IL9R: variants seen among roughly 807,000 people sequenced by gnomAD.
IL9R encodes the protein interleukin 9 receptor, also known as interleukin-9 receptor.
A neutral mutation model predicts 56.3 loss-of-function variants in IL9R; 54 were observed. That is an observed-to-expected ratio of 0.96 (90% CI 0.77 to 1.20). IL9R has a LOEUF of 1.20. Ranked by LOEUF, IL9R falls within the 50% of genes most tolerant of loss-of-function variation. IL9R has a pLI of 0.00. For missense variants in IL9R, 545 were observed against 629.8 expected, an observed-to-expected ratio of 0.87 and a Z score of 1.44; for synonymous variants, 212 against 250.2, an observed-to-expected ratio of 0.85 and a Z score of 1.44.
At position 156,001,897 on chromosome X, in the gene IL9R, G is replaced by A. The variant is rs190655442; in HGVS notation, c.29-1009G>A. 1.8e-4 allele frequency among the ~76,000 whole-genome samples: 28 copies of A among 152,270 alleles called. 1 individual carries two copies. The East Asian group carries it at 5.4e-3, about 29-fold the overall frequency. ...AGCATCCGGGGGCTTTGCCCTTCTG[G>A]TGTTGCTCTTCTTTGCAGGTGCCTT... On this transcript the variant is annotated intron_variant, in intron 1 of 8. Transcript: ENST00000244174.
rs1218662062 is a variant in IL9R, at chrX:156,006,466, G to C, written c.887+278G>C. ...GAGGCAGAGGCTGAAGATAAGGGCA[G>C]CTTGGTCCCGACCAGACCCAGAGTC... On this transcript the variant is annotated intron_variant, in intron 7 of 8. Transcript: ENST00000244174. 2.7e-5 allele frequency among the ~76,000 whole-genome samples: 4 copies of C among 150,158 alleles called. No homozygotes were observed. In the East Asian group the frequency reaches 6.0e-4, roughly 22 times the overall value.
At chrX:156,009,234 TTCGTGTG>T (rs2068273977) in intron 8 of IL9R, among the ~76,000 whole-genome samples, 2 of 1,692 alleles carry the variant, frequency 1.2e-3, no homozygotes, top group Admixed American at 4.6e-3. Flanking sequence ...TCTGTGTGTG[TTCGTGTG>T]GTGTGTGTGT....
At chrX:156,006,899 G>T (rs3093524) in intron 7 of IL9R, among the ~76,000 whole-genome samples, 1,756 of 150,572 alleles carry the variant, frequency 0.012, 45 homozygotes, top group African/African-American at 0.041. Context: ...CCAGTGAGGT[G>T]CCCACAGGGA....
intron 1 of IL9R, among the ~76,000 whole-genome samples, chrX:155,998,866 G>A (rs2067316118): frequency 2.0e-5 from 3 of 152,076 alleles, no homozygotes; most frequent in South Asian, 2.1e-4. Context: ...GGCTGTGGGA[G>A]GGGTGTTTTG....
At chrX:156,004,330 G>T (rs1362197296) in intron 4 of IL9R, 90 bp from the exon 5 acceptor site, 1 of 1,356,250 alleles carries the variant, frequency 7.4e-7, no homozygotes. Flanking sequence ...CATTCCCCTT[G>T]GGAGTCTTTC....
chrX:156,001,050 C>T (rs1401340514), intron 1 of IL9R, among the ~76,000 whole-genome samples: 6 of 152,154 alleles, frequency 3.9e-5, no homozygotes, highest in Non-Finnish European at 8.8e-5. Context: ...GCCATACCCC[C>T]TTGTCGCTGT....
In IL9R at chrX:156,005,449, C is replaced by G. The variant is rs762218364; in HGVS notation, c.751C>G (p.Pro251Ala). ...AGGCCAGTGGAGTGAGTGGAGCCAG[C>G]CTGTGTGCTTCCAGGCTCCCCAGAG... Reference protein sequence around the residue: ...YTGQWSEWSQPVCFQAPQRQG... With the variant: ...YTGQWSEWSQAVCFQAPQRQG... Residue 251 changes from proline to alanine, a missense_variant, in exon 6 of 9, where the codon CCT becomes GCT. Transcript: ENST00000244174. 7.4e-6 allele frequency: 12 copies of G among 1,612,990 alleles called. No individual in the cohort carries two copies. The highest frequency in any genetic ancestry group is 1.0e-5 in the Non-Finnish European group (12 of 1,179,788).
At chrX:155,999,886 G>A (rs2067395221) in intron 1 of IL9R, among the ~76,000 whole-genome samples, 1 of 152,088 alleles carries the variant, frequency 6.6e-6, no homozygotes, top group Non-Finnish European at 1.5e-5. Context: ...AGCACTTTGG[G>A]AGGCCAAAGC....
chrX:155,997,698 T>C lies in IL9R; in HGVS notation c.-62T>C, dbSNP rs745667681. On this transcript the variant is annotated 5_prime_UTR_variant, in exon 1 of 9. Coordinates refer to ENST00000244174, the MANE Select transcript of IL9R (RefSeq NM_002186.3). ...CCTGAATCAGGCTGAGGGTCTTTGC[T>C]GTGCACCCAGAGATAGTTGGGTGAC... 1.4e-5 allele frequency: 22 copies of C among 1,563,552 alleles called. No individual in the cohort carries two copies. The Admixed American group carries it at 3.5e-4, about 25-fold the overall frequency.
chrX:156,003,918 G>T (rs1246069457), intron 4 of IL9R, 63 bp downstream of exon 4: 1 of 1,555,772 alleles, frequency 6.4e-7, no homozygotes, highest in Non-Finnish European at 8.8e-7. Flanking sequence ...CTGCTTGGGG[G>T]TTTGGAGCAG....
At chrX:156,005,086 G>A (rs372996647) in intron 5 of IL9R, among the ~76,000 whole-genome samples, 192 bp from the exon 6 acceptor site, 13 of 152,196 alleles carry the variant, frequency 8.5e-5, no homozygotes, top group South Asian at 4.2e-4. Context: ...GTGGGCAAAC[G>A]CAGCTGTGTC....
In IL9R at chrX:156,010,209, G is replaced by A; in HGVS notation, c.1366G>A (p.Ala456Thr). 2 of 1,389,342 alleles carry A rather than the reference G, an allele frequency of 1.4e-6. No homozygotes were observed. Among genetic ancestry groups the A allele is most frequent in the African/African-American group, 5.4e-5 (2 of 37,196 alleles). The allele number at this position is 1,389,342 out of a possible 1,614,324, so 86.1% of individuals were successfully genotyped here. A position where few individuals can be genotyped will look rare whatever the true frequency, so the allele number is the denominator to read the frequency against. ...CTGCTATGGGGGATGGCACCTCTCA[G>A]CCCTCCCAGGAAACACACAGAGCTC... is the stretch of plus-strand genomic sequence containing the variant. ...LGCYGGWHLS[A>T]LPGNTQSSGP... The change falls in exon 9 of 9, where the codon GCC (alanine) becomes ACC (threonine). Residue 456 changes from alanine to threonine, a missense_variant. Coordinates refer to ENST00000244174, the MANE Select transcript of IL9R (RefSeq NM_002186.3).
At chrX:155,997,947 C>G (rs778155396) in intron 1 of IL9R, among the ~76,000 whole-genome samples, 160 bp downstream of exon 1, 1 of 152,032 alleles carries the variant, frequency 6.6e-6, no homozygotes, top group South Asian at 2.1e-4. Context: ...CCTTGTGTAT[C>G]TCTTAGAGAT....
intron 8 of IL9R, among the ~76,000 whole-genome samples, chrX:156,009,401 C>T (rs867389512): frequency 3.2e-5 from 4 of 123,566 alleles, no homozygotes; most frequent in Non-Finnish European, 6.7e-5. Flanking sequence ...GTGTGTGTGT[C>T]TCTGTGTGTG....
At chrX:156,004,649 T>G in intron 5 of IL9R, 84 bp downstream of exon 5, 1 of 1,375,784 alleles carries the variant, frequency 7.3e-7, no homozygotes, top group Non-Finnish European at 1.0e-6. Context: ...CATAGGGAGA[T>G]GTCAACTTGT....
rs1349919550 is a variant in IL9R at position 156,003,848 on chromosome X, G to T, written c.426G>T (p.Arg142=). Residue 142 remains arginine, a synonymous_variant, in exon 4 of 9, where the codon CGG becomes CGT. Coordinates refer to ENST00000244174, the MANE Select transcript of IL9R (RefSeq NM_002186.3). Reference sequence around the variant, plus strand: ...TGGTGGACCCGGAGTACCTGCCCCGGAGACACGGTGAGCAGCAGCTATAGG... The same window carrying T: ...TGGTGGACCCGGAGTACCTGCCCCGTAGACACGGTGAGCAGCAGCTATAGG... ...VSLVDPEYLP[R]RHVKLDPPSD... 1 of 1,613,898 alleles carries T rather than the reference G, an allele frequency of 6.2e-7. No homozygotes were observed. The highest frequency in any genetic ancestry group is 1.7e-5 in the Admixed American group (1 of 60,018).
chrX:156,007,348 G>T (rs1453993924), intron 7 of IL9R, among the ~76,000 whole-genome samples, 175 bp from the exon 8 acceptor site: 1 of 150,850 alleles, frequency 6.6e-6, no homozygotes, highest in African/African-American at 2.5e-5. Flanking sequence ...GTTAGGCAAG[G>T]AGGCCCAGTT....
In IL9R at chrX:156,009,848, G is replaced by T; in HGVS notation, c.1005G>T (p.Leu335=). 2.0e-6 allele frequency: 3 copies of T among 1,497,850 alleles called. No individual in the cohort carries two copies. Among genetic ancestry groups the T allele is most frequent in the Non-Finnish European group, 2.7e-6 (3 of 1,125,550 alleles). The allele number at this position is 1,497,850 out of a possible 1,614,324, so 92.8% of individuals were successfully genotyped here. Residue 335 remains leucine (L), a synonymous_variant, in exon 9 of 9, where the codon CTG becomes CTT. Transcript: ENST00000244174. ...TGGGGGCCCACGGGGCCGGTGTGCT[G>T]TTGAGCCAGGACTGTGCTGGCACCC... ...TWMGAHGAGV[L]LSQDCAGTPQ... is the part of the protein sequence containing the mutation.
intron 8 of IL9R, among the ~76,000 whole-genome samples, chrX:156,008,961 TTATG>T (rs1244284184): frequency 4.4e-5 from 5 of 114,738 alleles, no homozygotes; most frequent in Non-Finnish European, 5.5e-5. Context: ...GTGTGTGTGT[TTATG>T]TGTGTGTGTC....
Sources: gnomAD v4.1 joint callset for allele counts (sites outside exome capture counted in the v4.1 genomes callset) on GRCh38, gnomAD v4.1.1 for gene constraint, MANE v1.5 for transcripts, NCBI Gene and HGNC (gene_info 2026-07-23, HGNC 2026-07-21) for gene names.